Variants in RNF213 observed in about 807,000 individuals in gnomAD.
RNF213 encodes the protein ring finger protein 213.
RNF213 carries 341 observed loss-of-function variants against 514.4 expected under a neutral mutation model. The ratio of observed to expected loss-of-function variants is 0.66; its 90% CI spans 0.61 to 0.73. RNF213 has a LOEUF of 0.73. Among genes scored for constraint, RNF213 ranks in the 30% least tolerant of loss-of-function variants. The pLI is 0.00. For synonymous variants in RNF213, 2,655 were observed against 2,658.2 expected (o/e 1.00, Z 0.04); for missense variants, 5,767 against 6,615.6 (o/e 0.87, Z 4.45).
At chr17:80,261,407 G>T (rs1037770745) in intron 1 of RNF213, among the ~76,000 whole-genome samples, 1 of 152,246 alleles carries the variant, frequency 6.6e-6, no homozygotes, top group African/African-American at 2.4e-5. Context: ...CTTCCGACTT[G>T]GCGAAGTCGC....
At chr17:80,365,933 G>A (rs1446476363) in intron 42 of RNF213, among the ~76,000 whole-genome samples, 4 of 151,848 alleles carry the variant, frequency 2.6e-5, no homozygotes, top group Non-Finnish European at 5.9e-5. Flanking sequence ...GGAACGTGGG[G>A]AGGGTTTTTT....
chr17:80,351,866 T>A, intron 32 of RNF213, 63 bp downstream of exon 32: 1 of 978,880 alleles, frequency 1.0e-6, no homozygotes, highest in Non-Finnish European at 1.6e-6. Context: ...TGTATCTATT[T>A]ATTTTTTGAG....
intron 2 of RNF213, among the ~76,000 whole-genome samples, chr17:80,269,327 A>G (rs745357663): frequency 6.1e-4 from 93 of 152,060 alleles, no homozygotes; most frequent in Non-Finnish European, 1.2e-3. Context: ...GATATTAACC[A>G]TCACACCGTC....
At chr17:80,374,710 C>T (rs1568154041) in intron 50 of RNF213, 121 bp downstream of exon 50, 1 of 1,236,452 alleles carries the variant, frequency 8.1e-7, no homozygotes, top group Non-Finnish European at 1.2e-6. Context: ...TCACGTGACA[C>T]TGTATTGGAA....
At chr17:80,393,257 AC>A in intron 67 of RNF213, 87 bp from the exon 68 acceptor site, 1 of 1,090,216 alleles carries the variant, frequency 9.2e-7, no homozygotes, top group African/African-American at 2.7e-5. Context: ...CTGGGCTTAC[AC>A]ACGTGAGCCA....
chr17:80,283,858 C>G (rs1482849671), intron 3 of RNF213, among the ~76,000 whole-genome samples: 2 of 152,170 alleles, frequency 1.3e-5, no homozygotes, highest in African/African-American at 4.8e-5. Flanking sequence ...CATCCATGAC[C>G]TTGGCTTATT....
intron 11 of RNF213, among the ~76,000 whole-genome samples, chr17:80,299,402 G>T (rs913708246): frequency 6.6e-6 from 1 of 152,168 alleles, no homozygotes; most frequent in Non-Finnish European, 1.5e-5. Context: ...AAGGCATTGT[G>T]AACTCTAAAC....
chr17:80,300,018 G>T (rs1598956318), intron 11 of RNF213, among the ~76,000 whole-genome samples: 1 of 152,146 alleles, frequency 6.6e-6, no homozygotes, highest in Non-Finnish European at 1.5e-5. Flanking sequence ...GTGCTTCAAT[G>T]AACATACATG....
intron 49 of RNF213, among the ~76,000 whole-genome samples, chr17:80,373,562 A>G (rs1288470089): frequency 6.6e-6 from 1 of 151,924 alleles, no homozygotes; most frequent in Non-Finnish European, 1.5e-5. Context: ...ATTGAATTTC[A>G]CTCAAGGAAA....
rs553449039 is a variant in RNF213, at chr17:80,352,789, C to T, written c.10304-151C>T. The T allele has an allele frequency of 3.7e-4, 439 of 1,182,690 alleles. 1 individual carries two copies. The highest frequency in any genetic ancestry group is 4.5e-5 in the Non-Finnish European group (36 of 800,656). 73.3% of individuals were successfully genotyped at this position (1,182,690 alleles called of 1,614,324 possible). ...AGTATCGGGTTGGGTGGTTTCTGCGCAGGCCCATTCCAGGGTTTCGGCTTC... is the reference window on the plus strand; with the variant it reads ...AGTATCGGGTTGGGTGGTTTCTGCGTAGGCCCATTCCAGGGTTTCGGCTTC... On this transcript the variant is annotated intron_variant, in intron 32 of 67. Coordinates refer to ENST00000582970, the MANE Select transcript of RNF213 (RefSeq NM_001256071.3).
intron 50 of RNF213, among the ~76,000 whole-genome samples, chr17:80,375,252 A>G (rs540767389): frequency 3.7e-4 from 56 of 152,362 alleles, no homozygotes; most frequent in African/African-American, 1.3e-3. Flanking sequence ...GGAACTTTGT[A>G]GCCCAAAAGT....
intron 3 of RNF213, among the ~76,000 whole-genome samples, chr17:80,283,329 G>T (rs2044362941): frequency 6.6e-6 from 1 of 152,188 alleles, no homozygotes; most frequent in Non-Finnish European, 1.5e-5. Context: ...CGAGGTGTCA[G>T]CCCTGCAGGT....
chr17:80,391,896 G>A (rs1341930483), intron 67 of RNF213, among the ~76,000 whole-genome samples: 6 of 145,860 alleles, frequency 4.1e-5, no homozygotes, highest in African/African-American at 7.6e-5. Context: ...TCAGCCTCCC[G>A]AGTAGCTGGG....
intron 10 of RNF213, 29 bp downstream of exon 10, chr17:80,295,842 T>G (rs2044922358): frequency 6.2e-7 from 1 of 1,611,376 alleles, no homozygotes; most frequent in Non-Finnish European, 8.5e-7. Flanking sequence ...AAAATGTTTT[T>G]TATAGCTATT....
At position 80,382,974 on chromosome 17, in the gene RNF213, T is replaced by G. The variant is rs779683328; in HGVS notation, c.13979-5T>G. ...GTAACCTACACATTTGGAGTTTTTT[T>G]GTAGGGCTTTTAAATTTTGACACAG... is the stretch of plus-strand genomic sequence containing the variant. On this transcript the variant is annotated splice_polypyrimidine_tract_variant and splice_region_variant and intron_variant, in intron 57 of 67. Transcript: ENST00000582970. The G allele has an allele frequency of 1.2e-6, 2 of 1,609,282 alleles. No individual in the cohort carries two copies. The highest frequency in any genetic ancestry group is 1.7e-6 in the Non-Finnish European group (2 of 1,175,588).
chr17:80,276,577 G>T (rs1253166950), intron 3 of RNF213, among the ~76,000 whole-genome samples: 1 of 152,054 alleles, frequency 6.6e-6, no homozygotes, highest in Admixed American at 6.6e-5. Context: ...AGGCGCGGTG[G>T]CTCACTGGGT....
At chr17:80,294,181 A>C (rs1450895633) in intron 8 of RNF213, among the ~76,000 whole-genome samples, 2 of 152,222 alleles carry the variant, frequency 1.3e-5, no homozygotes, top group African/African-American at 2.4e-5. Flanking sequence ...ATGGAGCCTA[A>C]GAACAGTCAC....
At chr17:80,363,530 A>C in intron 40 of RNF213, 79 bp from the exon 41 acceptor site, 4 of 1,504,380 alleles carry the variant, frequency 2.7e-6, no homozygotes, top group Non-Finnish European at 2.8e-6. Context: ...ACAAGTATAC[A>C]TGCAGCTAAC....
intron 49 of RNF213, among the ~76,000 whole-genome samples, chr17:80,373,422 T>G (rs1348533233): frequency 6.6e-6 from 1 of 151,800 alleles, no homozygotes. Context: ...ACCTGCCGCT[T>G]GTCTGTCTGG....
Sources: allele counts gnomAD v4.1 joint callset (sites outside exome capture counted in the v4.1 genomes callset), GRCh38; gene constraint gnomAD v4.1.1; transcripts MANE v1.5; gene names NCBI Gene and HGNC (gene_info 2026-07-23, HGNC 2026-07-21).